Variants in ELFN1 observed in about 807,000 individuals in gnomAD.
ELFN1 encodes the protein protein ELFN1.
A neutral mutation model predicts 7.6 loss-of-function variants in ELFN1; 6 were observed. That is an observed-to-expected ratio of 0.79 (90% CI 0.43 to 1.56). ELFN1 has a LOEUF of 1.56. Among genes scored for constraint, ELFN1 ranks in the 40% most tolerant of loss-of-function variants. The pLI, the probability that ELFN1 is intolerant of heterozygous loss-of-function variation, is 0.01. For missense variants in ELFN1, 1,169 were observed against 1,232.2 expected, an observed-to-expected ratio of 0.95 and a Z score of 0.77; for synonymous variants, 657 against 588.1, an observed-to-expected ratio of 1.12 and a Z score of -1.70.
intron 1 of ELFN1, among the ~76,000 whole-genome samples, chr7:1,676,447 C>T (rs528606102): frequency 1.8e-4 from 28 of 152,322 alleles, no homozygotes; most frequent in South Asian, 1.0e-3. Context: ...CTTCCCTTCC[C>T]GGAGCCTCGG....
chr7:1,677,572 GCA>G (rs948497415), intron 1 of ELFN1, among the ~76,000 whole-genome samples: 1 of 152,094 alleles, frequency 6.6e-6, no homozygotes, highest in Non-Finnish European at 1.5e-5. Flanking sequence ...ATGGGAGTGT[GCA>G]CACACGTGCA....
chr7:1,703,869 C>T (rs1779477578), intron 2 of ELFN1, among the ~76,000 whole-genome samples: 2 of 152,276 alleles, frequency 1.3e-5, no homozygotes, highest in South Asian at 2.1e-4. Flanking sequence ...CTGTGAAATG[C>T]GGGTACTGAT....
chr7:1,666,645 G>A (rs1411592576), upstream of ELFN1, among the ~76,000 whole-genome samples: 1 of 152,082 alleles, frequency 6.6e-6, no homozygotes, highest in African/African-American at 2.4e-5. This position sits in a 1 kb window ranked among gnomAD's most constrained non-coding sequence, Gnocchi z 7.9. Context: ...AAGAGGGGGA[G>A]GGGGCTGGGC....
rs145926124 is a variant in ELFN1, at chr7:1,690,123, G to A, written c.-456+1973G>A. On this transcript the variant is annotated intron_variant, in intron 2 of 3. Coordinates refer to ENST00000424383, the MANE Select transcript of ELFN1 (RefSeq NM_001128636.4). Reference sequence around the variant, plus strand: ...TGCATGGGTTGATGGATGGGCGGGTGGATGGATGAGCAAGTGGATGGATGG... The same window carrying A: ...TGCATGGGTTGATGGATGGGCGGGTAGATGGATGAGCAAGTGGATGGATGG... Among the ~76,000 whole-genome samples the A allele has an allele frequency of 8.5e-4, 129 of 152,240 alleles. No individual in the cohort carries two copies. In the Middle Eastern group the frequency reaches 0.017, roughly 20 times the overall value.
At chr7:1,707,274 G>A (rs969057676) in intron 2 of ELFN1, among the ~76,000 whole-genome samples, 4 of 152,216 alleles carry the variant, frequency 2.6e-5, no homozygotes, top group Non-Finnish European at 4.4e-5. Context: ...GGAAATCCGC[G>A]TCCTGGCCCG....
At chr7:1,733,683 T>G (rs927319949) in intron 3 of ELFN1, among the ~76,000 whole-genome samples, 2 of 152,128 alleles carry the variant, frequency 1.3e-5, no homozygotes, top group African/African-American at 4.8e-5. Flanking sequence ...CTTATTAGTT[T>G]AACATTTGAG....
rs752573685 is a variant in ELFN1 at position 1,744,792 on chromosome 7, C to T, written c.196C>T (p.Arg66Trp). 1 of 1,556,780 alleles carries T rather than the reference C, an allele frequency of 6.4e-7. No individual in the cohort carries two copies. Among genetic ancestry groups the T allele is most frequent in the Non-Finnish European group, 8.7e-7 (1 of 1,149,692 alleles). ...GATCAACAGCACCATCGTGGACCTG[C>T]GGCTCAACGAGAACCGTATCCGCAG... ...QQINSTIVDL[R>W]LNENRIRSVQ... is the part of the protein sequence containing the mutation. The change falls in exon 4 of 4, where the codon CGG becomes TGG. Residue 66 changes from arginine to tryptophan, a missense_variant. Arg to Trp is a moderately radical substitution (Grantham distance 101, BLOSUM62 -3). Around this residue, in one of 2 missense-constraint regions of ELFN1, gnomAD observed 255 missense variants for 359.6 expected, o/e 0.71. Transcript: ENST00000424383.
chr7:1,669,330 G>A (rs1357765596), upstream of ELFN1, among the ~76,000 whole-genome samples: 4 of 152,176 alleles, frequency 2.6e-5, no homozygotes, highest in African/African-American at 7.2e-5. Flanking sequence ...AGAGGCGGGC[G>A]GGGGACAGGA....
rs545199467 is a variant in ELFN1 at position 1,727,775 on chromosome 7, A to T, written c.-293-16529A>T. 6.6e-5 allele frequency among the ~76,000 whole-genome samples: 10 copies of T among 152,106 alleles called. No individual in the cohort carries two copies. The South Asian group carries it at 2.1e-3, about 32-fold the overall frequency. ...AGGCATGTATCACCATGCCCAGCTGATTTCTTATTTTTTGCATAGATGGGG... is the reference window on the plus strand; with the variant it reads ...AGGCATGTATCACCATGCCCAGCTGTTTTCTTATTTTTTGCATAGATGGGG... On this transcript the variant is annotated intron_variant, in intron 3 of 3. Coordinates refer to ENST00000424383, the MANE Select transcript of ELFN1 (RefSeq NM_001128636.4).
chr7:1,711,902 C>T (rs893459728), intron 3 of ELFN1, among the ~76,000 whole-genome samples: 1 of 152,194 alleles, frequency 6.6e-6, no homozygotes, highest in Admixed American at 6.5e-5. Context: ...GCCCAGGAAC[C>T]CCCTGGCCTC....
upstream of ELFN1, among the ~76,000 whole-genome samples, chr7:1,666,510 C>T (rs1554244164): frequency 6.6e-6 from 1 of 152,052 alleles, no homozygotes; most frequent in South Asian, 2.1e-4. The surrounding 1 kb of genome is among the most constrained non-coding windows in gnomAD (Gnocchi z 7.9). Context: ...CTGGGCCGGA[C>T]AAACTTCCCT....
intron 1 of ELFN1, among the ~76,000 whole-genome samples, chr7:1,682,428 TTTTTA>T (rs539554998): frequency 4.6e-5 from 7 of 152,032 alleles, no homozygotes; most frequent in African/African-American, 1.2e-4. Flanking sequence ...TATATGCCTA[TTTTTA>T]TTTTATTTTA....
At chr7:1,713,088 T>C (rs1307144732) in intron 3 of ELFN1, among the ~76,000 whole-genome samples, 1 of 152,178 alleles carries the variant, frequency 6.6e-6, no homozygotes, top group Non-Finnish European at 1.5e-5. Flanking sequence ...CCAGCCCAAG[T>C]TCAGGCTCCT....
intron 3 of ELFN1, among the ~76,000 whole-genome samples, chr7:1,743,096 T>C (rs1239421840): frequency 7.2e-6 from 1 of 138,196 alleles, no homozygotes; most frequent in Non-Finnish European, 1.6e-5. Flanking sequence ...GGTGGGGGGG[T>C]CCATGGGGGA....
intron 3 of ELFN1, among the ~76,000 whole-genome samples, chr7:1,712,225 C>T (rs1185791388): frequency 2.0e-5 from 3 of 152,194 alleles, no homozygotes; most frequent in African/African-American, 7.2e-5. Context: ...GCTCTGTCGC[C>T]CAGGCTGGAG....
intron 3 of ELFN1, among the ~76,000 whole-genome samples, chr7:1,716,978 G>A (rs1779854267): frequency 6.6e-6 from 1 of 152,188 alleles, no homozygotes; most frequent in Non-Finnish European, 1.5e-5. Flanking sequence ...TCATAGCAAT[G>A]ATTTGATCTG....
At chr7:1,694,739 C>T (rs1234103121) in intron 2 of ELFN1, among the ~76,000 whole-genome samples, 3 of 152,212 alleles carry the variant, frequency 2.0e-5, no homozygotes, top group Non-Finnish European at 4.4e-5. Context: ...TGTCACCATG[C>T]CTGGCCCGCA....
rs182710044 is a variant in ELFN1, at chr7:1,711,928, G to A, written c.-294+2676G>A. Among the ~76,000 whole-genome samples, 11 of 152,350 alleles carry A rather than the reference G, an allele frequency of 7.2e-5. No homozygotes were observed. In the East Asian group the frequency reaches 1.5e-3, roughly 21 times the overall value. On this transcript the variant is annotated intron_variant, in intron 3 of 3. Coordinates refer to ENST00000424383, the MANE Select transcript of ELFN1 (RefSeq NM_001128636.4). Reference sequence around the variant, plus strand: ...CCCTGGCCTCCAGACTGAGACCCACGTTGCGGCAGAGAGAACACAGAGGCC... The same window carrying A: ...CCCTGGCCTCCAGACTGAGACCCACATTGCGGCAGAGAGAACACAGAGGCC...
Position 1,746,526 on chromosome 7 carries a change from G to A in ELFN1, c.1930G>A (p.Gly644Ser), listed in dbSNP as rs1474564995. The change falls in exon 4 of 4, where the codon GGC (glycine) becomes AGC (serine). Residue 644 changes from glycine to serine, a missense_variant. Gly to Ser is a moderately conservative substitution (Grantham distance 56). Coordinates refer to ENST00000424383, the MANE Select transcript of ELFN1 (RefSeq NM_001128636.4). ...GPPRASTSSS[G>S]SVRSPRAFRA... The stretch of plus-strand genomic sequence containing the variant: ...CCCTCGTGCCAGCACCTCGTCCAGC[G>A]GCTCCGTGCGCAGCCCCCGCGCCTT... The A allele has an allele frequency of 1.6e-5, 23 of 1,448,258 alleles. No individual in the cohort carries two copies. The highest frequency in any genetic ancestry group is 5.6e-5 in the East Asian group (2 of 36,034). 89.7% of individuals were successfully genotyped at this position (1,448,258 alleles called of 1,614,324 possible). A position where few individuals can be genotyped will look rare whatever the true frequency, so the allele number is the denominator to read the frequency against.
Sources: allele counts gnomAD v4.1 joint callset (sites outside exome capture counted in the v4.1 genomes callset), GRCh38; gene constraint gnomAD v4.1.1; regional missense constraint gnomAD v4.1.1; non-coding constraint Gnocchi (gnomAD v3.1); transcripts MANE v1.5; gene names NCBI Gene and HGNC (gene_info 2026-07-23, HGNC 2026-07-21).